ZNF33A: variants seen among roughly 807,000 people sequenced by gnomAD.
ZNF33A encodes brain my041 protein.
In ZNF33A, 9 loss-of-function variants were observed where a neutral mutation model predicts 15.9. The observed-to-expected ratio is 0.57, with a 90% CI of 0.34 to 0.99. The LOEUF is 0.99. Among genes scored for constraint, ZNF33A ranks in the 50% least tolerant of loss-of-function variants. ZNF33A has a pLI of 0.02. For missense variants in ZNF33A, 843 were observed against 941.6 expected, an observed-to-expected ratio of 0.90 and a Z score of 1.37; for synonymous variants, 294 against 324.2, an observed-to-expected ratio of 0.91 and a Z score of 1.00.
chr10:38,051,038 G>A (rs1401192668), intron 4 of ZNF33A, among the ~76,000 whole-genome samples: 1 of 151,958 alleles, frequency 6.6e-6, no homozygotes, highest in Non-Finnish European at 1.5e-5. Context: ...GATGAATCAA[G>A]TATTAACAAA....
chr10:38,064,150 A>G (rs1423894583), downstream of ZNF33A: 3 of 1,586,958 alleles, frequency 1.9e-6, no homozygotes, highest in South Asian at 3.3e-5. Flanking sequence ...AGGACTCTGC[A>G]CTGCCTGCCA....
At chr10:38,017,225 T>A in intron 3 of ZNF33A, 66 bp from the exon 4 acceptor site, 1 of 1,494,868 alleles carries the variant, frequency 6.7e-7, no homozygotes, top group Admixed American at 2.0e-5. Context: ...CAGAAGCTTC[T>A]TCCTGCTTCA....
rs368504756 is a variant in ZNF33A, at chr10:38,056,360, G to T, written c.2236G>T (p.Glu746Ter). The change falls in exon 5 of 5, where the codon GAA becomes TAA. Residue 746 changes from glutamate (E) to a stop codon, truncating the protein, a stop_gained. Transcript: ENST00000432900. LOFTEE classifies it low-confidence loss of function (END_TRUNC). ...TCAACATCAGAGATCACATACAGGGGAAAAGCCCTATGAATGTAACACATG... is the reference window on the plus strand; with the variant it reads ...TCAACATCAGAGATCACATACAGGGTAAAAGCCCTATGAATGTAACACATG... ...LAQHQRSHTGEKPYECNTCRK... is the reference protein window; with the variant it reads ...LAQHQRSHTG 2.5e-6 allele frequency: 4 copies of T among 1,613,986 alleles called. No individual in the cohort carries two copies. Among genetic ancestry groups the T allele is most frequent in the Non-Finnish European group, 3.4e-6 (4 of 1,180,000 alleles).
rs139085348 is a variant in ZNF33A at position 38,055,873 on chromosome 10, T to C, written c.1749T>C (p.Cys583=). 2.8e-4 allele frequency: 457 copies of C among 1,613,876 alleles called. 1 individual carries two copies. The highest frequency in any genetic ancestry group is 3.5e-4 in the Non-Finnish European group (417 of 1,179,990). ...ACACAGGGGAGAAACCCTACGAATG[T>C]CATGAATGTGGAAAAATCTTTTACA... ...RTHTGEKPYE[C]HECGKIFYNK... The change falls in exon 5 of 5, where the codon TGT becomes TGC. Residue 583 remains cysteine, a synonymous_variant. Transcript: ENST00000432900.
chr10:38,024,556 T>C (rs1241206150), intron 4 of ZNF33A, among the ~76,000 whole-genome samples: 1 of 152,182 alleles, frequency 6.6e-6, no homozygotes, highest in African/African-American at 2.4e-5. Flanking sequence ...AATAAACTTA[T>C]TCCAAAATTT....
chr10:38,040,023 C>T (rs12245586), intron 4 of ZNF33A, among the ~76,000 whole-genome samples: 1,885 of 151,930 alleles, frequency 0.012, 27 homozygotes, highest in Middle Eastern at 0.048. Context: ...CTAAGGATTG[C>T]TTTATCTGTG....
intron 4 of ZNF33A, among the ~76,000 whole-genome samples, chr10:38,045,907 G>A (rs2065926672): frequency 6.6e-6 from 1 of 152,180 alleles, no homozygotes; most frequent in Non-Finnish European, 1.5e-5. Flanking sequence ...CCATTATTCA[G>A]GATCTAGAGG....
rs12260562 is a variant in ZNF33A at position 38,029,842 on chromosome 10, A to G, written c.250+12456A>G. 1.5e-3 allele frequency among the ~76,000 whole-genome samples: 221 copies of G among 152,316 alleles called. 1 individual carries two copies. Among genetic ancestry groups the G allele is most frequent in the African/African-American group, 5.1e-3 (214 of 41,580 alleles). ...GCCAGTAAAATAATGAAAAATGAAC[A>G]AAACCTTGGGAAACGGATATCATTA... On this transcript the variant is annotated intron_variant, in intron 4 of 4. Coordinates refer to ENST00000432900, the MANE Select transcript of ZNF33A (RefSeq NM_006954.2).
chr10:38,012,237 A>G, intron 1 of ZNF33A, 61 bp from the exon 2 acceptor site: 1 of 1,571,260 alleles, frequency 6.4e-7, no homozygotes, highest in East Asian at 2.2e-5. Context: ...GGGCGGAAGA[A>G]TCCAGGAGTT....
chr10:38,039,735 T>G, intron 4 of ZNF33A: 1 of 337,798 alleles, frequency 3.0e-6, no homozygotes, highest in Non-Finnish European at 5.6e-6. Context: ...TAATACATCT[T>G]TAATCCCTAC....
At chr10:38,035,897 A>C (rs1001301947) in intron 4 of ZNF33A, among the ~76,000 whole-genome samples, 10 of 152,232 alleles carry the variant, frequency 6.6e-5, no homozygotes, top group South Asian at 4.1e-4. Flanking sequence ...TTTCTGTGCA[A>C]CATTTAAGGA....
At chr10:38,017,186 A>C in intron 3 of ZNF33A, 105 bp from the exon 4 acceptor site, 13 of 1,395,540 alleles carry the variant, frequency 9.3e-6, no homozygotes, top group Non-Finnish European at 1.3e-5. Context: ...CTCCAGTGAA[A>C]ATGTTCCACT....
chr10:38,035,245 G>C (rs1378370781), intron 4 of ZNF33A, among the ~76,000 whole-genome samples: 1 of 144,436 alleles, frequency 6.9e-6, no homozygotes, highest in African/African-American at 2.6e-5. Context: ...AGCTTCTCAA[G>C]TAGCCGGGAC....
rs1272213527 is a variant in ZNF33A at position 38,059,500 on chromosome 10, G to T, written c.*2940G>T. ...TGACATTAATAAGCAATTACAGCAG[G>T]ATTGCAGGATACAGTCCTCAGGTAG... On this transcript the variant is annotated 3_prime_UTR_variant, in exon 5 of 5. Transcript: ENST00000432900. The T allele has an allele frequency of 6.6e-6, 1 of 152,214 alleles. No homozygotes were observed. The highest frequency in any genetic ancestry group is 2.4e-5 in the African/African-American group (1 of 41,460). The allele number at this position is 152,214 out of a possible 1,614,324, so 9.4% of individuals were successfully genotyped here. A position where few individuals can be genotyped will look rare whatever the true frequency, so the allele number is the denominator to read the frequency against.
rs776201992 is a variant in ZNF33A, at chr10:38,055,682, A to G, written c.1558A>G (p.Thr520Ala). 1.9e-5 allele frequency: 31 copies of G among 1,613,884 alleles called. No individual in the cohort carries two copies. The Admixed American group carries it at 4.8e-4, about 25-fold the overall frequency. ...ACTCACCAGGCATCAGATAATTCAT[A>G]CAGGGTGGAAACCTTATGAATGTTA... ...SLLTRHQIIH[T>A]GWKPYECYEC... is the part of the protein sequence containing the mutation. The change falls in exon 5 of 5, where the codon ACA becomes GCA. Residue 520 changes from threonine (T) to alanine (A), a missense_variant. Transcript: ENST00000432900.
downstream of ZNF33A, among the ~76,000 whole-genome samples, chr10:38,066,070 T>C (rs1276715024): frequency 6.6e-6 from 1 of 152,108 alleles, no homozygotes; most frequent in Non-Finnish European, 1.5e-5. Context: ...GAAATACATC[T>C]TCATCTGGCC....
At chr10:38,010,896 G>A (rs2064139846) in intron 1 of ZNF33A, 113 bp downstream of exon 1, 1 of 1,330,772 alleles carries the variant, frequency 7.5e-7, no homozygotes, top group South Asian at 1.3e-5. Flanking sequence ...ACCTCATAGG[G>A]GAAGGCGGGG....
downstream of ZNF33A, among the ~76,000 whole-genome samples, chr10:38,061,482 G>A (rs567310971): frequency 5.9e-5 from 9 of 152,260 alleles, no homozygotes; most frequent in South Asian, 4.1e-4. Flanking sequence ...GTGCCTGAGC[G>A]TGGCCTGGCA....
intron 4 of ZNF33A, among the ~76,000 whole-genome samples, chr10:38,053,998 T>C (rs191712057): frequency 6.6e-6 from 1 of 152,356 alleles, no homozygotes; most frequent in East Asian, 1.9e-4. Flanking sequence ...CCTAGTTATG[T>C]TAAAGTCATG....
Sources: allele counts gnomAD v4.1 joint callset (sites outside exome capture counted in the v4.1 genomes callset), GRCh38; gene constraint gnomAD v4.1.1; transcripts MANE v1.5; gene names NCBI Gene and HGNC (gene_info 2026-07-23, HGNC 2026-07-21).